FMN1: variants seen among roughly 807,000 people sequenced by gnomAD.
FMN1 encodes the protein formin-1.
Under a neutral mutation model 132.4 loss-of-function variants are expected in FMN1, and 110 were observed. The observed-to-expected ratio is 0.83, with a 90% CI of 0.71 to 0.97. The LOEUF is 0.97. FMN1 is among the 50% of genes least tolerant of loss of function. The pLI is 0.00. For synonymous variants in FMN1, 722 were observed against 651.7 expected, an observed-to-expected ratio of 1.11 and a Z score of -1.64; for missense variants, 1,792 against 1,705.3, an observed-to-expected ratio of 1.05 and a Z score of -0.90.
intron 4 of FMN1, among the ~76,000 whole-genome samples, chr15:33,091,091 C>T (rs1186423465): frequency 6.6e-6 from 1 of 152,100 alleles, no homozygotes; most frequent in African/African-American, 2.4e-5. Flanking sequence ...GTAAAGTTTG[C>T]ACAGAATAAT....
At chr15:33,150,752 TA>T in intron 4 of FMN1, 1 of 985,804 alleles carries the variant, frequency 1.0e-6, no homozygotes, top group Non-Finnish European at 1.2e-6. Context: ...TCAATAATCT[TA>T]ATGACATCAC....
chr15:33,079,228 ATG>A (rs1460514325), intron 5 of FMN1, among the ~76,000 whole-genome samples: 1 of 152,238 alleles, frequency 6.6e-6, no homozygotes, highest in African/African-American at 2.4e-5. Context: ...AGAAATAAGA[ATG>A]TGTGTTATCA....
chr15:32,894,168 G>C (rs915220726), intron 15 of FMN1, among the ~76,000 whole-genome samples: 1 of 152,066 alleles, frequency 6.6e-6, no homozygotes, highest in Non-Finnish European at 1.5e-5. Context: ...AGTTTTATCA[G>C]ACACCTGTAT....
At chr15:33,163,838 G>A (rs1360918589) in intron 3 of FMN1, among the ~76,000 whole-genome samples, 1 of 151,590 alleles carries the variant, frequency 6.6e-6, no homozygotes, top group African/African-American at 2.4e-5. Flanking sequence ...GGCTGGTCTC[G>A]AACTCCTGAC....
intron 6 of FMN1, among the ~76,000 whole-genome samples, chr15:33,060,667 G>T (rs888372642): frequency 1.2e-4 from 18 of 152,128 alleles, no homozygotes; most frequent in Non-Finnish European, 2.2e-4. Flanking sequence ...ACTCAGCAGG[G>T]CAGTACATCT....
chr15:33,081,853 G>A (rs1192989315), intron 5 of FMN1, among the ~76,000 whole-genome samples: 1 of 152,130 alleles, frequency 6.6e-6, no homozygotes, highest in African/African-American at 2.4e-5. Flanking sequence ...AGCTTGGGAG[G>A]AGCCTTGGTA....
At chr15:33,169,341 T>C (rs1030104123) in intron 3 of FMN1, among the ~76,000 whole-genome samples, 2 of 152,200 alleles carry the variant, frequency 1.3e-5, no homozygotes, top group African/African-American at 4.8e-5. Context: ...AAACACATCC[T>C]CAAAACACAT....
intron 5 of FMN1, chr15:33,067,146 T>C: frequency 6.2e-7 from 1 of 1,613,962 alleles, no homozygotes; most frequent in African/African-American, 1.3e-5. Flanking sequence ...TTCTGGTTTG[T>C]TACTGCAGGT....
intron 13 of FMN1, among the ~76,000 whole-genome samples, chr15:32,900,719 C>A (rs1477634523): frequency 6.6e-6 from 1 of 152,174 alleles, no homozygotes; most frequent in Admixed American, 6.5e-5. Context: ...TTTACAATTT[C>A]AAGCTGCTTA....
At chr15:33,080,490 T>A (rs936270467) in intron 5 of FMN1, among the ~76,000 whole-genome samples, 16 of 152,234 alleles carry the variant, frequency 1.1e-4, no homozygotes, top group Non-Finnish European at 2.1e-4. Context: ...CAGTGGCTAA[T>A]GCCTGTAATC....
chr15:33,079,579 T>C (rs578243407), intron 5 of FMN1, among the ~76,000 whole-genome samples: 29 of 152,358 alleles, frequency 1.9e-4, no homozygotes, highest in African/African-American at 6.7e-4. Context: ...GCTGAGATCA[T>C]GCCACTGCAC....
At chr15:32,857,493 A>T (rs1210588078) in intron 16 of FMN1, among the ~76,000 whole-genome samples, 1 of 151,934 alleles carries the variant, frequency 6.6e-6, no homozygotes, top group East Asian at 1.9e-4. Context: ...TCAGATTCAC[A>T]CTCCAAAAGT....
At chr15:33,158,045 G>C (rs1308027406) in intron 3 of FMN1, among the ~76,000 whole-genome samples, 1 of 151,506 alleles carries the variant, frequency 6.6e-6, no homozygotes, top group Non-Finnish European at 1.5e-5. Flanking sequence ...ACTCATTGGA[G>C]AGCTTCAACA....
chr15:32,805,054 TTTCTAG>T (rs1331933988), intron 17 of FMN1, among the ~76,000 whole-genome samples: 2 of 152,206 alleles, frequency 1.3e-5, no homozygotes, highest in African/African-American at 4.8e-5. Context: ...TCAAATGGTA[TTTCTAG>T]TTCTAGATCC....
chr15:32,988,049 G>GTTTTTTT (rs10573409), intron 7 of FMN1, among the ~76,000 whole-genome samples: 6 of 118,170 alleles, frequency 5.1e-5, no homozygotes, highest in Non-Finnish European at 8.6e-5. Flanking sequence ...TGTCTCTCCA[G>GTTTTTTT]TTTTTTTTTT....
At position 32,770,426 on chromosome 15, in the gene FMN1, A is replaced by AT. The variant is rs968420281; in HGVS notation, c.*3883dup. ...GCAAACATCATAGAGAAAATGTGCA[A>AT]TCCCAGGCCAATAAGCAAATCTTTG... On this transcript the variant is annotated 3_prime_UTR_variant, in exon 21 of 21. Coordinates refer to ENST00000616417, the MANE Select transcript of FMN1 (RefSeq NM_001277313.2). 5 of 152,290 alleles carry AT rather than the reference A, an allele frequency of 3.3e-5. No individual in the cohort carries two copies. The highest frequency in any genetic ancestry group is 1.2e-4 in the African/African-American group (5 of 41,556). 9.4% of individuals were successfully genotyped at this position (152,290 alleles called of 1,614,324 possible). A position where few individuals can be genotyped will look rare whatever the true frequency, so the allele number is the denominator to read the frequency against.
Position 32,926,173 on chromosome 15 carries a change from C to A in FMN1, c.3226+1G>T. 2.8e-6 allele frequency: 4 copies of A among 1,450,474 alleles called. No individual in the cohort carries two copies. Among genetic ancestry groups the A allele is most frequent in the Non-Finnish European group, 3.8e-6 (4 of 1,056,564 alleles). 89.9% of individuals were successfully genotyped at this position (1,450,474 alleles called of 1,614,324 possible). Reference sequence around the variant, plus strand: ...AAACAAAAGTGATAGAAAAGACTTACCCTGTTGGATATCCTTCATTTCTAA... The same window carrying A: ...AAACAAAAGTGATAGAAAAGACTTAACCTGTTGGATATCCTTCATTTCTAA... On this transcript the variant is annotated splice_donor_variant, in intron 10 of 20. Coordinates refer to ENST00000616417, the MANE Select transcript of FMN1 (RefSeq NM_001277313.2). LOFTEE classifies it high-confidence loss of function.
chr15:33,070,879 T>C (rs1430388675), intron 5 of FMN1, among the ~76,000 whole-genome samples: 1 of 152,174 alleles, frequency 6.6e-6, no homozygotes, highest in African/African-American at 2.4e-5. Flanking sequence ...TTATTCTCTT[T>C]TTCCTGCTAG....
intron 19 of FMN1, among the ~76,000 whole-genome samples, chr15:32,787,520 T>G (rs148970217): frequency 7.2e-4 from 110 of 152,286 alleles, no homozygotes; most frequent in African/African-American, 2.5e-3. Flanking sequence ...GAAAGTAATC[T>G]TAGGCTTAGC....
Sources: allele counts gnomAD v4.1 joint callset (sites outside exome capture counted in the v4.1 genomes callset), GRCh38; gene constraint gnomAD v4.1.1; transcripts MANE v1.5; gene names NCBI Gene and HGNC (gene_info 2026-07-23, HGNC 2026-07-21).